Variants in ITIH5 observed in about 807,000 individuals in gnomAD.
The protein encoded by ITIH5 is inter-alpha-trypsin inhibitor heavy chain H5.
A neutral mutation model predicts 77.5 loss-of-function variants in ITIH5; 65 were observed. The ratio of observed to expected loss-of-function variants is 0.84; its 90% CI spans 0.69 to 1.03. The LOEUF (loss-of-function observed/expected upper bound fraction) is 1.03. Ranked by LOEUF, ITIH5 falls within the 50% of genes least tolerant of loss-of-function variation. The pLI, the probability that ITIH5 is intolerant of heterozygous loss-of-function variation, is 0.00. For synonymous variants in ITIH5, 525 were observed against 494.3 expected (o/e 1.06, Z -0.82); for missense variants, 1,208 against 1,213.1 (o/e 1.00, Z 0.06).
At chr10:7,572,543 G>C in intron 11 of ITIH5, 1 of 1,157,488 alleles carries the variant, frequency 8.6e-7, no homozygotes, top group Non-Finnish European at 1.1e-6. Context: ...AACTCAATGA[G>C]GGTCAGAATG....
chr10:7,627,137 C>T (rs533237015), intron 5 of ITIH5, among the ~76,000 whole-genome samples: 3 of 151,960 alleles, frequency 2.0e-5, no homozygotes, highest in African/African-American at 4.8e-5. Context: ...ATTTCAAAAA[C>T]GGGGTGGTGG....
At chr10:7,634,409 A>G (rs576542054) in intron 5 of ITIH5, among the ~76,000 whole-genome samples, 1 of 152,356 alleles carries the variant, frequency 6.6e-6, no homozygotes, top group South Asian at 2.1e-4. Flanking sequence ...GGGAGCAGCA[A>G]AAAGGGAATC....
chr10:7,566,589 G>A (rs765729349), intron 12 of ITIH5, among the ~76,000 whole-genome samples, 182 bp from the exon 13 acceptor site: 20 of 151,038 alleles, frequency 1.3e-4, no homozygotes, highest in Non-Finnish European at 2.8e-4. Context: ...GCTGAGCATA[G>A]TGGTGCAAGC....
intron 5 of ITIH5, chr10:7,618,260 T>C (rs1833407891): frequency 6.6e-6 from 1 of 151,880 alleles, no homozygotes; most frequent in Non-Finnish European, 1.5e-5. Context: ...TGAGCCACCA[T>C]GCCCGGCTTA....
intron 7 of ITIH5, among the ~76,000 whole-genome samples, chr10:7,607,145 T>C (rs975569529): frequency 1.3e-5 from 2 of 152,230 alleles, no homozygotes; most frequent in African/African-American, 4.8e-5. Context: ...TCAACTGGCA[T>C]GTAACTCAAG....
At chr10:7,588,940 G>C (rs1832737025) in intron 7 of ITIH5, among the ~76,000 whole-genome samples, 1 of 152,226 alleles carries the variant, frequency 6.6e-6, no homozygotes, top group Admixed American at 6.5e-5. Flanking sequence ...TAAAATGCAG[G>C]GAGTCTGACT....
intron 9 of ITIH5, among the ~76,000 whole-genome samples, chr10:7,577,369 A>G (rs1305464778): frequency 6.6e-6 from 1 of 152,204 alleles, no homozygotes; most frequent in East Asian, 1.9e-4. Context: ...ATTTCAACAG[A>G]CATTTGGATG....
intron 2 of ITIH5, among the ~76,000 whole-genome samples, chr10:7,648,722 T>C (rs1279570132): frequency 6.6e-6 from 1 of 152,226 alleles, no homozygotes; most frequent in Non-Finnish European, 1.5e-5. Flanking sequence ...TGGTGATTTG[T>C]TCTTATTTAT....
chr10:7,585,895 C>A lies in ITIH5; in HGVS notation c.1108+6G>T. 1 of 1,587,042 alleles carries A rather than the reference C, an allele frequency of 6.3e-7. No individual in the cohort carries two copies. ...AGCCAATGTGAAAAGAAGGTGTCAT[C>A]TTTACCTCCAGTGGGTGACATATGG... On this transcript the variant is annotated splice_donor_region_variant and intron_variant, in intron 8 of 13. Coordinates refer to ENST00000397146, the MANE Select transcript of ITIH5 (RefSeq NM_030569.7).
intron 11 of ITIH5, chr10:7,572,543 G>A (rs1588361820): frequency 8.6e-7 from 1 of 1,157,488 alleles, no homozygotes; most frequent in East Asian, 5.8e-5. Flanking sequence ...AACTCAATGA[G>A]GGTCAGAATG....
intron 10 of ITIH5, among the ~76,000 whole-genome samples, chr10:7,574,621 A>G (rs931851886): frequency 2.0e-5 from 3 of 151,692 alleles, no homozygotes; most frequent in Non-Finnish European, 2.9e-5. Context: ...GTGAAACCCC[A>G]TCTCTACTAA....
At position 7,613,245 on chromosome 10, in the gene ITIH5, CAAAA is replaced by C. The variant is rs58021308; in HGVS notation, c.939+2733_939+2736del. Among the ~76,000 whole-genome samples the C allele has an allele frequency of 1.1e-4, 16 of 143,612 alleles. No homozygotes were observed. The East Asian group carries it at 2.6e-3, about 23-fold the overall frequency. The allele number at this position is 143,612 out of a possible 152,430, so 94.2% of individuals were successfully genotyped here. Reference sequence around the variant, plus strand: ...CAGGTGACAGAGTGAGACTTCGTCTCAAAAAAAAAAAAAAAAAAAAAAAAAGAAC... The same window carrying C: ...CAGGTGACAGAGTGAGACTTCGTCTCAAAAAAAAAAAAAAAAAAAAAGAAC... On this transcript the variant is annotated intron_variant, in intron 7 of 13. Coordinates refer to ENST00000397146, the MANE Select transcript of ITIH5 (RefSeq NM_030569.7).
At chr10:7,603,109 C>T (rs548954916) in intron 7 of ITIH5, among the ~76,000 whole-genome samples, 6 of 152,174 alleles carry the variant, frequency 3.9e-5, no homozygotes, top group Non-Finnish European at 8.8e-5. Context: ...AGTGTAGCTG[C>T]AGCTGAGGCA....
chr10:7,666,479 C>T (rs1308285373), intron 1 of ITIH5, among the ~76,000 whole-genome samples: 3 of 152,146 alleles, frequency 2.0e-5, no homozygotes, highest in Non-Finnish European at 2.9e-5. Context: ...AAGGAAAAAA[C>T]CTTGTAATTA....
chr10:7,641,650 A>G (rs138095290), intron 3 of ITIH5, among the ~76,000 whole-genome samples: 12,846 of 82,634 alleles, frequency 0.16, 1,335 homozygotes, highest in African/African-American at 0.3. Context: ...GGAAGGAAGG[A>G]AGGGAGGGAG....
At chr10:7,655,299 T>C (rs537643921) in intron 2 of ITIH5, among the ~76,000 whole-genome samples, 22 of 152,310 alleles carry the variant, frequency 1.4e-4, no homozygotes, top group Non-Finnish European at 2.6e-4. Flanking sequence ...GTTGCTTTAG[T>C]TGTTTACTTC....
At position 7,569,667 on chromosome 10, in the gene ITIH5, C is replaced by A. The variant is rs1472681306; in HGVS notation, c.2149+1G>T. The A allele has an allele frequency of 6.3e-7, 1 of 1,596,174 alleles. No homozygotes were observed. The highest frequency in any genetic ancestry group is 8.5e-7 in the Non-Finnish European group (1 of 1,170,634). On this transcript the variant is annotated splice_donor_variant, in intron 12 of 13. Coordinates refer to ENST00000397146, the MANE Select transcript of ITIH5 (RefSeq NM_030569.7). LOFTEE classifies it high-confidence loss of function. ...ATGCTGCAGCGGAAGGTAGAACTTACCAGAGTCCCTGTGATCAGAGACCAG... is the reference window on the plus strand; with the variant it reads ...ATGCTGCAGCGGAAGGTAGAACTTAACAGAGTCCCTGTGATCAGAGACCAG...
Position 7,617,266 on chromosome 10 carries a change from G to A in ITIH5, c.669C>T (p.Pro223=). 2 of 1,578,692 alleles carry A rather than the reference G, an allele frequency of 1.3e-6. No homozygotes were observed. Among genetic ancestry groups the A allele is most frequent in the Admixed American group, 1.8e-5 (1 of 54,406 alleles). The change falls in exon 6 of 14, where the codon CCC becomes CCT. Residue 223 remains proline (P), a synonymous_variant. Transcript: ENST00000397146. ...SGRGEDDSGP[P]PSTVINQNET... ...CATTTTGGTTAATGACAGTAGATGG[G>A]GGAGGCCCAGAATCATCTGCAAACA...
Position 7,628,699 on chromosome 10 carries a change from CAGCGTGTGTCCATGTTGT to C in ITIH5, c.652+8511_652+8528del, listed in dbSNP as rs1319236530. Among the ~76,000 whole-genome samples the C allele has an allele frequency of 1.8e-3, 183 of 101,858 alleles. 3 individuals are homozygous for C. The highest frequency in any genetic ancestry group is 2.9e-3 in the Non-Finnish European group (141 of 47,844). The allele number at this position is 101,858 out of a possible 152,430, so 66.8% of individuals were successfully genotyped here. On this transcript the variant is annotated intron_variant, in intron 5 of 13. Coordinates refer to ENST00000397146, the MANE Select transcript of ITIH5 (RefSeq NM_030569.7). ...CATGTTGTAGCGTGTGTCCATGTTG[CAGCGTGTGTCCATGTTGT>C]AGCGTGTGTCCATGTTGCAGCGTGT... is the stretch of plus-strand genomic sequence containing the variant.
Sources: gnomAD v4.1 joint callset for allele counts (sites outside exome capture counted in the v4.1 genomes callset) on GRCh38, gnomAD v4.1.1 for gene constraint, MANE v1.5 for transcripts, NCBI Gene and HGNC (gene_info 2026-07-23, HGNC 2026-07-21) for gene names.